The following RASAL2 variants were observed in gnomAD, a reference collection of about 807,000 sequenced individuals.
The protein encoded by RASAL2 is RAS protein activator like 2, also known as ras GTPase-activating protein nGAP.
A neutral mutation model predicts 128.9 loss-of-function variants in RASAL2; 58 were observed. The observed-to-expected ratio is 0.45, with a 90% CI of 0.36 to 0.56. The LOEUF (loss-of-function observed/expected upper bound fraction) is 0.56, where lower values mean the gene tolerates loss of function less well. Among genes scored for constraint, RASAL2 ranks in the 20% least tolerant of loss-of-function variants. The probability of loss-of-function intolerance (pLI) is 0.00; values close to 1 mark genes in which losing one functional copy is unlikely to be tolerated. For synonymous variants in RASAL2, 561 were observed against 580.8 expected (o/e 0.97, Z 0.49); for missense variants, 1,360 against 1,601.6 (o/e 0.85, Z 2.57).
At chr1:178,384,569 G>T (rs1672450398) in intron 3 of RASAL2, among the ~76,000 whole-genome samples, 1 of 151,752 alleles carries the variant, frequency 6.6e-6, no homozygotes, top group Non-Finnish European at 1.5e-5. Context: ...TCAGGAGGCT[G>T]AGGTGGGAGG....
At chr1:178,138,862 C>A (rs2102325263) in intron 1 of RASAL2, among the ~76,000 whole-genome samples, 1 of 152,046 alleles carries the variant, frequency 6.6e-6, no homozygotes, top group South Asian at 2.1e-4. Context: ...TTCCTTCCAT[C>A]TAGTAAATGC....
intron 1 of RASAL2, among the ~76,000 whole-genome samples, chr1:178,143,790 A>G (rs563016313): frequency 6.7e-5 from 10 of 150,206 alleles, no homozygotes; most frequent in Non-Finnish European, 8.9e-5. Context: ...ACATTCATGT[A>G]TTACTTATAC....
chr1:178,195,622 A>G (rs316270), intron 1 of RASAL2, among the ~76,000 whole-genome samples: 94,090 of 152,040 alleles, frequency 0.62, 32,236 homozygotes, highest in East Asian at 0.8. Flanking sequence ...ACTATATAGT[A>G]AGTATTTGAT....
chr1:178,290,330 TCTATC>T (rs1397279808), intron 2 of RASAL2, among the ~76,000 whole-genome samples: 1 of 152,234 alleles, frequency 6.6e-6, no homozygotes, highest in African/African-American at 2.4e-5. Context: ...GAAAATATCT[TCTATC>T]CTTTCTTTCC....
In RASAL2 at chr1:178,443,180, A is replaced by G. The variant is rs775125447; in HGVS notation, c.1433A>G (p.Glu478Gly). 5.6e-6 allele frequency: 9 copies of G among 1,613,530 alleles called. No individual in the cohort carries two copies. Among genetic ancestry groups the G allele is most frequent in the South Asian group, 5.5e-5 (5 of 91,064 alleles). The change falls in exon 8 of 18, where the codon GAG becomes GGG. Residue 478 changes from glutamate to glycine, a missense_variant. By Grantham distance (98) the Glu-to-Gly change is moderately conservative. This residue lies in a region of RASAL2 where 617 missense variants were observed against 714.2 expected (regional missense o/e 0.86). Coordinates refer to ENST00000367649, the MANE Select transcript of RASAL2 (RefSeq NM_170692.4). ...GTAATTAGTGTGAGAAATAAAGAGG[A>G]GTTGGCTTGTGCCTTAGTGCACATT... is the stretch of plus-strand genomic sequence containing the variant. ...EPVISVRNKE[E>G]LACALVHILQ... is the part of the protein sequence containing the mutation.
intron 1 of RASAL2, among the ~76,000 whole-genome samples, chr1:178,153,787 A>G (rs1324092962): frequency 2.0e-5 from 3 of 151,956 alleles, no homozygotes; most frequent in Non-Finnish European, 4.4e-5. Context: ...TTTCTTGTGT[A>G]TATAGACATC....
intron 1 of RASAL2, among the ~76,000 whole-genome samples, chr1:178,229,175 T>C (rs1047422226): frequency 1.3e-5 from 2 of 152,172 alleles, no homozygotes; most frequent in Non-Finnish European, 2.9e-5. Context: ...CCTAAATCCT[T>C]CTGTGAGTAC....
In RASAL2 at chr1:178,452,545, T is replaced by G. The variant is rs1328355451; in HGVS notation, c.1902T>G (p.Ile634Met). Residue 634 changes from isoleucine to methionine, a missense_variant, in exon 11 of 18, where the codon ATT (isoleucine) becomes ATG (methionine). Coordinates refer to ENST00000367649, the MANE Select transcript of RASAL2 (RefSeq NM_170692.4). ...TTCTCCGTTTTCTGTGTCCAGCCAT[T>G]ATGTCTCCCAGTCTTTTCAACCTTA... ...SLFLRFLCPA[I>M]MSPSLFNLMQ... The G allele has an allele frequency of 6.2e-7, 1 of 1,614,056 alleles. No homozygotes were observed. The highest frequency in any genetic ancestry group is 1.7e-5 in the Admixed American group (1 of 60,000).
chr1:178,420,466 T>G (rs1675073443), intron 4 of RASAL2, 45 bp from the exon 5 acceptor site: 5 of 1,306,030 alleles, frequency 3.8e-6, no homozygotes, highest in Non-Finnish European at 5.5e-6. Flanking sequence ...CGAGTAACAT[T>G]CCCTTTTGGT....
chr1:178,410,383 C>A (rs541927459), intron 4 of RASAL2, among the ~76,000 whole-genome samples: 1 of 152,032 alleles, frequency 6.6e-6, no homozygotes, highest in African/African-American at 2.4e-5. Context: ...CAAGATGGAT[C>A]AAAGACTTAC....
chr1:178,179,270 A>T (rs1004949967), intron 1 of RASAL2, among the ~76,000 whole-genome samples: 5 of 152,170 alleles, frequency 3.3e-5, no homozygotes, highest in African/African-American at 1.2e-4. Context: ...GATGAGCACA[A>T]TTGGTTCTCC....
intron 5 of RASAL2, among the ~76,000 whole-genome samples, chr1:178,422,376 CAA>C (rs1456171624): frequency 6.6e-6 from 1 of 151,998 alleles, no homozygotes; most frequent in African/African-American, 2.4e-5. Flanking sequence ...TAATCAATAG[CAA>C]AGTCTTTCTT....
chr1:178,100,180 A>C (rs1246791875), intron 1 of RASAL2, among the ~76,000 whole-genome samples: 1 of 152,008 alleles, frequency 6.6e-6, no homozygotes, highest in African/African-American at 2.4e-5. Context: ...GTTTGTGTGG[A>C]TATCCTTTAT....
intron 1 of RASAL2, among the ~76,000 whole-genome samples, chr1:178,119,430 C>A (rs184773842): frequency 6.6e-6 from 1 of 152,162 alleles, no homozygotes; most frequent in Non-Finnish European, 1.5e-5. Context: ...TCCTGCAAAA[C>A]GTTGTTAAGT....
At chr1:178,468,997 G>A (rs2102958957) in intron 17 of RASAL2, among the ~76,000 whole-genome samples, 1 of 152,244 alleles carries the variant, frequency 6.6e-6, no homozygotes, top group East Asian at 1.9e-4. Context: ...ATTTCAGCTG[G>A]TTTAAAAGTA....
intron 1 of RASAL2, among the ~76,000 whole-genome samples, chr1:178,137,759 T>G (rs914052156): frequency 6.6e-6 from 1 of 152,096 alleles, no homozygotes; most frequent in African/African-American, 2.4e-5. Flanking sequence ...CAACAAAAAG[T>G]AGAGTTAAAG....
intron 17 of RASAL2, among the ~76,000 whole-genome samples, chr1:178,472,793 G>A (rs1648393219): frequency 6.6e-6 from 1 of 152,110 alleles, no homozygotes; most frequent in Non-Finnish European, 1.5e-5. Flanking sequence ...GTAACACATG[G>A]TATCACTTTT....
At chr1:178,276,336 T>G (rs1666509698) in intron 1 of RASAL2, among the ~76,000 whole-genome samples, 1 of 152,150 alleles carries the variant, frequency 6.6e-6, no homozygotes, top group Non-Finnish European at 1.5e-5. Context: ...AAATTAAACT[T>G]TACTTTAAGT....
At chr1:178,337,961 A>G (rs1571884518) in intron 3 of RASAL2, among the ~76,000 whole-genome samples, 1 of 151,396 alleles carries the variant, frequency 6.6e-6, no homozygotes, top group Admixed American at 6.6e-5. Flanking sequence ...TGAACTCCTC[A>G]CCTCAGGTGA....
Sources: allele counts gnomAD v4.1 joint callset (sites outside exome capture counted in the v4.1 genomes callset), GRCh38; gene constraint gnomAD v4.1.1; regional missense constraint gnomAD v4.1.1; transcripts MANE v1.5; gene names NCBI Gene and HGNC (gene_info 2026-07-23, HGNC 2026-07-21).